Variants in NAPEPLD observed in about 807,000 individuals in gnomAD.
NAPEPLD encodes the protein N-acyl phosphatidylethanolamine phospholipase D.
In NAPEPLD, 23 loss-of-function variants were observed where a neutral mutation model predicts 38.1. The observed-to-expected ratio is 0.60, with a 90% CI of 0.43 to 0.86. NAPEPLD has a LOEUF of 0.86. Ranked by LOEUF, NAPEPLD falls within the 40% of genes least tolerant of loss-of-function variation. The pLI is 0.00. For missense variants in NAPEPLD, 411 were observed against 476.8 expected, an observed-to-expected ratio of 0.86 and a Z score of 1.28; for synonymous variants, 147 against 162.0, an observed-to-expected ratio of 0.91 and a Z score of 0.71.
chr7:103,130,981 C>CA (rs1396122506), intron 1 of NAPEPLD, among the ~76,000 whole-genome samples: 2 of 152,126 alleles, frequency 1.3e-5, no homozygotes, highest in Non-Finnish European at 2.9e-5. Context: ...AAGGACTTTA[C>CA]AAAGAGCAGA....
rs1802185760 is a variant in NAPEPLD, at chr7:103,100,118, C to T, written c.*3311G>A. The T allele has an allele frequency of 6.6e-6, 1 of 152,104 alleles. No homozygotes were observed. The highest frequency in any genetic ancestry group is 6.6e-5 in the Admixed American group (1 of 15,264). 9.4% of individuals were successfully genotyped at this position (152,104 alleles called of 1,614,324 possible). A position where few individuals can be genotyped will look rare whatever the true frequency, so the allele number is the denominator to read the frequency against. ...ATGTTACCCTGATACAGAAATCAAA[C>T]TTGGAAGAAATATTTTTACATTAGA... On this transcript the variant is annotated 3_prime_UTR_variant, in exon 5 of 5. Coordinates refer to ENST00000465647, the MANE Select transcript of NAPEPLD (RefSeq NM_001122838.3).
chr7:103,122,723 C>T (rs2129529255), intron 2 of NAPEPLD, among the ~76,000 whole-genome samples: 1 of 152,264 alleles, frequency 6.6e-6, no homozygotes, highest in African/African-American at 2.4e-5. Context: ...ACCCTGACAA[C>T]AAACCAGGCA....
rs1563338555 is a variant in NAPEPLD at position 103,100,877 on chromosome 7, T to C, written c.*2552A>G. The C allele has an allele frequency of 6.6e-6, 1 of 152,184 alleles. No homozygotes were observed. The highest frequency in any genetic ancestry group is 1.5e-5 in the Non-Finnish European group (1 of 68,038). 9.4% of individuals were successfully genotyped at this position (152,184 alleles called of 1,614,324 possible). ...AGCTTGATGTTCTTAATGAATAGTG[T>C]CAGTGTAGAAAGAACATGAGTGGTA... is the stretch of plus-strand genomic sequence containing the variant. On this transcript the variant is annotated 3_prime_UTR_variant, in exon 5 of 5. Transcript: ENST00000465647.
Position 103,120,054 on chromosome 7 carries a change from G to GA in NAPEPLD, c.463dup (p.Ser155PhefsTer20). The GA allele has an allele frequency of 1.2e-6, 2 of 1,614,200 alleles. No individual in the cohort carries two copies. Among genetic ancestry groups the GA allele is most frequent in the Non-Finnish European group, 1.7e-6 (2 of 1,180,048 alleles). ...CTTTGGACCCATGTACTGCGATGGT[G>GA]AAGCACGAGAGCTAAAGATGGGATC... is the stretch of plus-strand genomic sequence containing the variant. On this transcript the variant is annotated frameshift_variant, in exon 3 of 5. Coordinates refer to ENST00000465647, the MANE Select transcript of NAPEPLD (RefSeq NM_001122838.3). LOFTEE classifies it high-confidence loss of function.
At chr7:103,141,299 C>G (rs905066587) in intron 1 of NAPEPLD, 83 of 338,444 alleles carry the variant, frequency 2.5e-4, no homozygotes, top group African/African-American at 1.9e-3. Context: ...ACTTTAATGG[C>G]TGATCTATGT....
At position 103,101,473 on chromosome 7, in the gene NAPEPLD, T is replaced by G. The variant is rs1013693526; in HGVS notation, c.*1956A>C. On this transcript the variant is annotated 3_prime_UTR_variant, in exon 5 of 5. Transcript: ENST00000465647. The stretch of plus-strand genomic sequence containing the variant: ...AAGTTTTCAATGTTTAGTCTCCTAA[T>G]ATATAATGCTTAAATTTGCAACAGG... 1 of 152,542 alleles carries G rather than the reference T, an allele frequency of 6.6e-6. No homozygotes were observed. Among genetic ancestry groups the G allele is most frequent in the Non-Finnish European group, 1.5e-5 (1 of 68,050 alleles). 9.4% of individuals were successfully genotyped at this position (152,542 alleles called of 1,614,324 possible).
chr7:103,117,190 G>A (rs1363000824), intron 3 of NAPEPLD, among the ~76,000 whole-genome samples: 1 of 152,232 alleles, frequency 6.6e-6, no homozygotes, highest in African/African-American at 2.4e-5. Flanking sequence ...AGACATCATG[G>A]AGAAGTTTAT....
chr7:103,112,399 T>C (rs1444981350), intron 4 of NAPEPLD, among the ~76,000 whole-genome samples: 3 of 152,158 alleles, frequency 2.0e-5, no homozygotes, highest in South Asian at 4.1e-4. Context: ...GTGGCACATA[T>C]ACACCATGGA....
At chr7:103,116,781 T>C (rs1805660753) in intron 3 of NAPEPLD, among the ~76,000 whole-genome samples, 1 of 152,326 alleles carries the variant, frequency 6.6e-6, no homozygotes, top group South Asian at 2.1e-4. Flanking sequence ...ATCCTAGCTC[T>C]TGCAGTTCTT....
intron 1 of NAPEPLD, chr7:103,148,176 G>A: frequency 1.2e-6 from 1 of 816,430 alleles, no homozygotes; most frequent in Non-Finnish European, 1.5e-6. Flanking sequence ...TCAATTTGAA[G>A]AACTGCATCT....
At chr7:103,105,690 G>A (rs1478814334) in intron 4 of NAPEPLD, among the ~76,000 whole-genome samples, 2 of 152,160 alleles carry the variant, frequency 1.3e-5, no homozygotes, top group Non-Finnish European at 2.9e-5. Flanking sequence ...GCTCACGCCA[G>A]TTAAGGCTGA....
Position 103,128,590 on chromosome 7 carries a change from C to T in NAPEPLD, c.187G>A (p.Gly63Arg), listed in dbSNP as rs1563361957. 2 of 1,614,174 alleles carry T rather than the reference C, an allele frequency of 1.2e-6. No homozygotes were observed. The highest frequency in any genetic ancestry group is 1.7e-6 in the Non-Finnish European group (2 of 1,180,034). ...DVTKSKKGKD[G>R]RFVNPWPTWK... ...GTTGGCCACGGATTCACAAATCTCC[C>T]ATCTTTTCCTTTCTTGGATTTAGTT... The change falls in exon 2 of 5, where the codon GGG becomes AGG. Residue 63 changes from glycine to arginine, a missense_variant. Transcript: ENST00000465647.
intron 4 of NAPEPLD, among the ~76,000 whole-genome samples, chr7:103,105,976 C>G (rs1276693812): frequency 6.8e-6 from 1 of 146,046 alleles, no homozygotes; most frequent in Non-Finnish European, 1.5e-5. Context: ...AGGAACAGCT[C>G]TGGTCTGCAG....
At chr7:103,137,434 T>G (rs1457855011) in intron 1 of NAPEPLD, among the ~76,000 whole-genome samples, 1 of 152,068 alleles carries the variant, frequency 6.6e-6, no homozygotes. Flanking sequence ...AACAGCTGGC[T>G]TAAGAACAAA....
At chr7:103,124,040 G>C (rs548843687) in intron 2 of NAPEPLD, among the ~76,000 whole-genome samples, 18 of 152,288 alleles carry the variant, frequency 1.2e-4, no homozygotes, top group Admixed American at 9.8e-4. Flanking sequence ...TGTGGTACAT[G>C]CCTGTAATCC....
At chr7:103,127,219 A>T (rs1808010867) in intron 2 of NAPEPLD, 1 of 152,212 alleles carries the variant, frequency 6.6e-6, no homozygotes, top group Admixed American at 6.5e-5. Flanking sequence ...GTCTCTAGAG[A>T]GAAAACAAAG....
chr7:103,128,540 AT>A lies in NAPEPLD; in HGVS notation c.236del (p.Asn79MetfsTer6), dbSNP rs748068352. 3.7e-5 allele frequency: 60 copies of A among 1,614,126 alleles called. No individual in the cohort carries two copies. The highest frequency in any genetic ancestry group is 5.1e-5 in the Non-Finnish European group (60 of 1,180,056). ...WPTWKNPSIP[N>X]VLRWLIMEKD... ...TCTCCATTATCAGCCATCTGAGAAC[AT>A]TTGGAATAGAGGGGTTTTTCCATGT... is the stretch of plus-strand genomic sequence containing the variant. On this transcript the variant is annotated frameshift_variant, in exon 2 of 5. Coordinates refer to ENST00000465647, the MANE Select transcript of NAPEPLD (RefSeq NM_001122838.3). LOFTEE classifies it high-confidence loss of function.
At chr7:103,113,945 C>G (rs1455680310) in intron 4 of NAPEPLD, among the ~76,000 whole-genome samples, 1 of 149,702 alleles carries the variant, frequency 6.7e-6, no homozygotes, top group Non-Finnish European at 1.5e-5. Context: ...TTTGCCCAGG[C>G]TGGAGTATAG....
chr7:103,140,948 C>T (rs578128236), intron 1 of NAPEPLD, among the ~76,000 whole-genome samples: 14 of 152,044 alleles, frequency 9.2e-5, no homozygotes, highest in Non-Finnish European at 1.8e-4. Context: ...AAAAATTTCC[C>T]ACAATGGGAG....
Sources: allele counts gnomAD v4.1 joint callset (sites outside exome capture counted in the v4.1 genomes callset), GRCh38; gene constraint gnomAD v4.1.1; transcripts MANE v1.5; gene names NCBI Gene and HGNC (gene_info 2026-07-23, HGNC 2026-07-21).